SUPT3H: variants seen among roughly 807,000 people sequenced by gnomAD.
The protein encoded by SUPT3H is SPT3 homolog, SAGA and STAGA complex component, also known as transcription initiation protein SPT3 homolog.
In SUPT3H, 44 loss-of-function variants were observed where a neutral mutation model predicts 44.3. The ratio of observed to expected loss-of-function variants is 0.99; its 90% CI spans 0.78 to 1.28. The LOEUF (loss-of-function observed/expected upper bound fraction) is 1.28. Ranked by LOEUF, SUPT3H falls within the 50% of genes most tolerant of loss-of-function variation. The pLI is 0.00. For missense variants in SUPT3H, 380 were observed against 387.1 expected (o/e 0.98, Z 0.15); for synonymous variants, 124 against 125.6 (o/e 0.99, Z 0.09).
At chr6:45,189,397 C>A (rs1814782460) in intron 2 of SUPT3H, among the ~76,000 whole-genome samples, 1 of 152,050 alleles carries the variant, frequency 6.6e-6, no homozygotes, top group Non-Finnish European at 1.5e-5. Flanking sequence ...AGGTTCATTT[C>A]AGTTCAACTA....
chr6:45,363,030 A>T (rs1794536985), intron 2 of SUPT3H, among the ~76,000 whole-genome samples: 1 of 151,138 alleles, frequency 6.6e-6, no homozygotes, highest in African/African-American at 2.4e-5. Flanking sequence ...TTTATTTTTA[A>T]TTTTTGTAGT....
chr6:44,825,626 C>T (rs372301976), downstream of SUPT3H, among the ~76,000 whole-genome samples: 5 of 152,118 alleles, frequency 3.3e-5, no homozygotes, highest in African/African-American at 4.8e-5. Context: ...TGAGATAAAT[C>T]GCACAAACTG....
chr6:45,080,823 C>T (rs1014345569), intron 3 of SUPT3H, among the ~76,000 whole-genome samples: 5 of 151,622 alleles, frequency 3.3e-5, no homozygotes, highest in African/African-American at 1.2e-4. Context: ...TTAATGGGTA[C>T]AAAAAACAGA....
intron 4 of SUPT3H, among the ~76,000 whole-genome samples, chr6:45,019,498 C>A (rs567866415): frequency 6.6e-6 from 1 of 151,920 alleles, no homozygotes; most frequent in African/African-American, 2.4e-5. Flanking sequence ...ATTTATTAGA[C>A]CGTAATGCTG....
intron 10 of SUPT3H, among the ~76,000 whole-genome samples, chr6:44,871,149 G>A (rs1243593707): frequency 6.7e-5 from 10 of 150,208 alleles, no homozygotes; most frequent in Non-Finnish European, 1.2e-4. Context: ...GCCCACCACA[G>A]CTCAAGGAGG....
chr6:45,039,170 G>T (rs1235445793), intron 3 of SUPT3H, among the ~76,000 whole-genome samples: 1 of 152,086 alleles, frequency 6.6e-6, no homozygotes, highest in African/African-American at 2.4e-5. Flanking sequence ...GAAAAGTTAT[G>T]AAATCAAATC....
chr6:45,144,333 A>G (rs1338251066), intron 2 of SUPT3H, among the ~76,000 whole-genome samples: 3 of 152,182 alleles, frequency 2.0e-5, no homozygotes, highest in African/African-American at 7.2e-5. Flanking sequence ...CATATAAAAA[A>G]GATAATATAT....
intron 2 of SUPT3H, among the ~76,000 whole-genome samples, chr6:45,223,048 A>T (rs957572836): frequency 6.6e-6 from 1 of 152,058 alleles, no homozygotes; most frequent in African/African-American, 2.4e-5. Context: ...GAGGTAGAGA[A>T]TATGAGAGAA....
intron 2 of SUPT3H, among the ~76,000 whole-genome samples, chr6:45,343,750 A>C (rs1301692306): frequency 6.6e-6 from 1 of 152,204 alleles, no homozygotes; most frequent in Non-Finnish European, 1.5e-5. Context: ...CATGTTCCTG[A>C]GACAGCTATC....
intron 10 of SUPT3H, among the ~76,000 whole-genome samples, chr6:44,870,311 T>C (rs1337016993): frequency 6.6e-6 from 1 of 152,166 alleles, no homozygotes; most frequent in African/African-American, 2.4e-5. Context: ...GATTTGTGTA[T>C]GTCGGCCAGG....
At chr6:45,164,937 C>G (rs1809604798) in intron 2 of SUPT3H, among the ~76,000 whole-genome samples, 2 of 152,018 alleles carry the variant, frequency 1.3e-5, no homozygotes, top group South Asian at 2.1e-4. Context: ...TCATCTAAAG[C>G]CCAAGACCCC....
chr6:45,165,727 T>C (rs1809732368), intron 2 of SUPT3H, among the ~76,000 whole-genome samples: 1 of 152,012 alleles, frequency 6.6e-6, no homozygotes, highest in East Asian at 1.9e-4. Flanking sequence ...ATGACCTTAT[T>C]AACGGTAAGG....
At chr6:45,232,931 G>A (rs186824673) in intron 2 of SUPT3H, among the ~76,000 whole-genome samples, 117 of 152,238 alleles carry the variant, frequency 7.7e-4, no homozygotes, top group Non-Finnish European at 1.3e-3. Context: ...CTACAGAAGC[G>A]TCTGGAGTGA....
intron 6 of SUPT3H, among the ~76,000 whole-genome samples, chr6:44,994,578 G>A (rs1350295625): frequency 6.6e-6 from 1 of 152,112 alleles, no homozygotes. Flanking sequence ...GGGTAAGCCA[G>A]ACAGGACATT....
rs1022395232 is a variant in SUPT3H, at chr6:44,872,490, T to C, written c.913-42633A>G. ...ACCAGGCCTGCCCTAAAAGAGCTCC[T>C]GAAGGAAGTGCTAAACATGGAAAGG... On this transcript the variant is annotated intron_variant, in intron 10 of 10. Coordinates refer to ENST00000371459, the MANE Select transcript of SUPT3H (RefSeq NM_003599.4). Among the ~76,000 whole-genome samples, 124 of 151,004 alleles carry C rather than the reference T, an allele frequency of 8.2e-4. 1 individual carries two copies. The highest frequency in any genetic ancestry group is 2.2e-3 in the African/African-American group (90 of 41,208).
At chr6:45,162,281 A>T (rs1315589682) in intron 2 of SUPT3H, among the ~76,000 whole-genome samples, 1 of 152,054 alleles carries the variant, frequency 6.6e-6, no homozygotes, top group Non-Finnish European at 1.5e-5. Context: ...CCAGTGACTC[A>T]GTAGGACAAG....
chr6:44,944,781 A>AAAAAAAAAAAAAAAAAAAAAAAAAAAT (rs1185186363), intron 9 of SUPT3H, among the ~76,000 whole-genome samples: 1 of 136,956 alleles, frequency 7.3e-6, no homozygotes, highest in Non-Finnish European at 1.7e-5. Flanking sequence ...AAAAAAAAAA[A>AAAAAAAAAAAAAAAAAAAAAAAAAAAT]AAAAGAAAAG....
chr6:45,332,659 T>C (rs16873345), intron 2 of SUPT3H, among the ~76,000 whole-genome samples: 22,769 of 151,762 alleles, frequency 0.15, 1,946 homozygotes, highest in East Asian at 0.26. Flanking sequence ...AGACATTTTA[T>C]ATGAAGGATT....
chr6:44,903,236 C>T (rs1214443674), intron 10 of SUPT3H, among the ~76,000 whole-genome samples: 2 of 152,136 alleles, frequency 1.3e-5, no homozygotes, highest in Non-Finnish European at 2.9e-5. Context: ...ATCAATGAAT[C>T]CAGTAGCTGG....
Sources: gnomAD v4.1 joint callset for allele counts (sites outside exome capture counted in the v4.1 genomes callset) on GRCh38, gnomAD v4.1.1 for gene constraint, MANE v1.5 for transcripts, NCBI Gene and HGNC (gene_info 2026-07-23, HGNC 2026-07-21) for gene names.